HDAC4: variants seen among roughly 807,000 people sequenced by gnomAD.
The protein encoded by HDAC4 is histone deacetylase A.
A neutral mutation model predicts 135.1 loss-of-function variants in HDAC4; 16 were observed. The observed-to-expected ratio is 0.12, with a 90% CI of 0.08 to 0.18. The LOEUF (loss-of-function observed/expected upper bound fraction) is 0.18. Ranked by LOEUF, HDAC4 falls within the 10% of genes least tolerant of loss-of-function variation. The pLI, the probability that HDAC4 is intolerant of heterozygous loss-of-function variation, is 1.00. For missense variants in HDAC4, 1,143 were observed against 1,511.8 expected (o/e 0.76, Z 4.05); for synonymous variants, 685 against 653.4 (o/e 1.05, Z -0.74).
At chr2:239,159,898 C>T (rs1487668970) in intron 6 of HDAC4, among the ~76,000 whole-genome samples, 6 of 152,274 alleles carry the variant, frequency 3.9e-5, no homozygotes, top group East Asian at 1.9e-4. Flanking sequence ...GGGGCCAACC[C>T]GGATGCCACA....
intron 17 of HDAC4, 165 bp downstream of exon 17, chr2:239,094,845 C>T (rs774618140): frequency 5.7e-5 from 88 of 1,537,198 alleles, no homozygotes; most frequent in East Asian, 7.2e-5. Flanking sequence ...GCGATCAAAA[C>T]GCTCTCGGCT....
intron 24 of HDAC4, among the ~76,000 whole-genome samples, chr2:239,065,213 A>G (rs1479305631): frequency 6.6e-6 from 1 of 152,192 alleles, no homozygotes; most frequent in Non-Finnish European, 1.5e-5. Flanking sequence ...CCTGTCAGTA[A>G]GAGCCATCAG....
intron 2 of HDAC4, among the ~76,000 whole-genome samples, chr2:239,271,190 T>G (rs1220920570): frequency 1.3e-5 from 2 of 152,198 alleles, no homozygotes; most frequent in African/African-American, 4.8e-5. Context: ...CACGGCTCAC[T>G]GCAGCCTCGA....
In HDAC4 at chr2:239,173,516, A is replaced by G. The variant is rs79827358; in HGVS notation, c.490+2897T>C. ...AAGGGAAACTTCCATGATCTGATAAATAGCACCTGTCAAAAACAAGTAGAC... is the reference window on the plus strand; with the variant it reads ...AAGGGAAACTTCCATGATCTGATAAGTAGCACCTGTCAAAAACAAGTAGAC... On this transcript the variant is annotated intron_variant, in intron 5 of 26. Transcript: ENST00000543185. 3.7e-4 allele frequency among the ~76,000 whole-genome samples: 56 copies of G among 152,288 alleles called. No homozygotes were observed. In the East Asian group the frequency reaches 0.01, roughly 28 times the overall value.
chr2:239,373,644 G>C (rs1202084697), intron 1 of HDAC4, among the ~76,000 whole-genome samples: 2 of 151,976 alleles, frequency 1.3e-5, no homozygotes, highest in African/African-American at 4.8e-5. Flanking sequence ...TTGTATTTTT[G>C]GTAGAGATGG....
At chr2:239,236,566 G>C (rs201710105) in intron 3 of HDAC4, 27 bp downstream of exon 3, 2 of 1,542,362 alleles carry the variant, frequency 1.3e-6, no homozygotes, top group South Asian at 2.4e-5. Flanking sequence ...AGGGCCGGCC[G>C]GACAGGGCAG....
intron 3 of HDAC4, among the ~76,000 whole-genome samples, chr2:239,194,029 G>A (rs748684947): frequency 1.3e-5 from 2 of 152,186 alleles, no homozygotes; most frequent in Non-Finnish European, 2.9e-5. Flanking sequence ...ATGCTGATGT[G>A]GGCCAAGGGC....
At chr2:239,162,609 C>T (rs2042880021) in intron 6 of HDAC4, among the ~76,000 whole-genome samples, 1 of 152,238 alleles carries the variant, frequency 6.6e-6, no homozygotes, top group African/African-American at 2.4e-5. Context: ...CAGTGGGTCA[C>T]TGCTGTCACG....
At chr2:239,091,506 C>T (rs991726501) in intron 17 of HDAC4, 5 of 152,240 alleles carry the variant, frequency 3.3e-5, no homozygotes, top group South Asian at 2.1e-4. Flanking sequence ...CTCTGAGCGC[C>T]GAGTGCTTTG....
chr2:239,283,605 C>T (rs868087962), intron 2 of HDAC4, among the ~76,000 whole-genome samples: 19 of 152,230 alleles, frequency 1.2e-4, no homozygotes, highest in Non-Finnish European at 1.6e-4. Flanking sequence ...ATCAGGAAGG[C>T]AGAGTTGTAA....
intron 1 of HDAC4, among the ~76,000 whole-genome samples, chr2:239,386,651 T>C (rs1695828243): frequency 6.6e-6 from 1 of 152,196 alleles, no homozygotes; most frequent in Non-Finnish European, 1.5e-5. Flanking sequence ...GGAAATCCCA[T>C]GAGCACCGGC....
At chr2:239,211,108 G>A (rs920412072) in intron 3 of HDAC4, among the ~76,000 whole-genome samples, 4 of 151,806 alleles carry the variant, frequency 2.6e-5, no homozygotes, top group African/African-American at 9.7e-5. Context: ...CCTGACTGCA[G>A]GGTAAAATCA....
At chr2:239,375,395 C>T (rs984476008) in intron 1 of HDAC4, among the ~76,000 whole-genome samples, 1 of 151,196 alleles carries the variant, frequency 6.6e-6, no homozygotes, top group Non-Finnish European at 1.5e-5. Flanking sequence ...CTTGTCCTCA[C>T]CGGGCCAGCG....
intron 12 of HDAC4, among the ~76,000 whole-genome samples, chr2:239,117,317 G>A (rs1381823316): frequency 2.6e-5 from 4 of 152,302 alleles, no homozygotes; most frequent in Non-Finnish European, 2.9e-5. Flanking sequence ...GGTTGAAAGG[G>A]TGAGGCCAGC....
At chr2:239,162,415 G>C in intron 6 of HDAC4, 2 of 448,094 alleles carry the variant, frequency 4.5e-6, no homozygotes, top group South Asian at 3.1e-5. Context: ...CCACACTCCT[G>C]TCCCTTGCTC....
At chr2:239,151,101 A>G (rs3791494) in intron 7 of HDAC4, among the ~76,000 whole-genome samples, 13,166 of 152,328 alleles carry the variant, frequency 0.086, 623 homozygotes, top group East Asian at 0.18. Context: ...CTCAGGGATG[A>G]ATGTGAGGGT....
chr2:239,109,364 G>A (rs1419345146), intron 14 of HDAC4, among the ~76,000 whole-genome samples: 1 of 152,196 alleles, frequency 6.6e-6, no homozygotes, highest in East Asian at 1.9e-4. Context: ...TGCTGGCCCA[G>A]GATGCGGCCC....
At chr2:239,173,422 G>C (rs575512786) in intron 5 of HDAC4, among the ~76,000 whole-genome samples, 80 of 152,084 alleles carry the variant, frequency 5.3e-4, no homozygotes, top group Non-Finnish European at 1.1e-3. Flanking sequence ...CATCTCAAAA[G>C]ATGCTGAAAC....
Position 239,139,616 on chromosome 2 carries a change from C to A in HDAC4, c.978+68G>T. 7.3e-7 allele frequency: 1 copy of A among 1,371,764 alleles called. No homozygotes were observed. Among genetic ancestry groups the A allele is most frequent in the South Asian group, 1.2e-5 (1 of 86,146 alleles). The allele number at this position is 1,371,764 out of a possible 1,614,324, so 85.0% of individuals were successfully genotyped here. A position where few individuals can be genotyped will look rare whatever the true frequency, so the allele number is the denominator to read the frequency against. On this transcript the variant is annotated intron_variant, in intron 9 of 26. Coordinates refer to ENST00000543185, the MANE Select transcript of HDAC4 (RefSeq NM_001378414.1). This position sits in a 1 kb window ranked among gnomAD's most constrained non-coding sequence, Gnocchi z 5.3. ...GTGAAGGGCAAGTGCAAAGTGGGGT[C>A]ATTTCAAGCTCATCCGTCCCGAGTC... is the stretch of plus-strand genomic sequence containing the variant.
Sources: allele counts gnomAD v4.1 joint callset (sites outside exome capture counted in the v4.1 genomes callset), GRCh38; gene constraint gnomAD v4.1.1; non-coding constraint Gnocchi (gnomAD v3.1); transcripts MANE v1.5; gene names NCBI Gene and HGNC (gene_info 2026-07-23, HGNC 2026-07-21).